The following ELFN1 variants were observed in gnomAD, a reference collection of about 807,000 sequenced individuals.
ELFN1 encodes the protein extracellular leucine rich repeat and fibronectin type III domain containing 1.
In ELFN1, 6 loss-of-function variants were observed where a neutral mutation model predicts 7.6. That is an observed-to-expected ratio of 0.79 (90% CI 0.43 to 1.56). The LOEUF (loss-of-function observed/expected upper bound fraction) is 1.56. Ranked by LOEUF, ELFN1 falls within the 40% of genes most tolerant of loss-of-function variation. The probability of loss-of-function intolerance (pLI) is 0.01; values close to 1 mark genes in which losing one functional copy is unlikely to be tolerated. For missense variants in ELFN1, 1,169 were observed against 1,232.2 expected (o/e 0.95, Z 0.77); for synonymous variants, 657 against 588.1 (o/e 1.12, Z -1.70).
intron 3 of ELFN1, among the ~76,000 whole-genome samples, chr7:1,726,966 G>A (rs1780215155): frequency 6.6e-6 from 1 of 152,178 alleles, no homozygotes; most frequent in Non-Finnish European, 1.5e-5. Context: ...TTGAAGCCCA[G>A]GGTGGGTGGG....
intron 1 of ELFN1, among the ~76,000 whole-genome samples, chr7:1,675,319 C>T (rs1229909281): frequency 6.6e-6 from 1 of 152,198 alleles, no homozygotes; most frequent in Admixed American, 6.5e-5. Flanking sequence ...AGGTGGCGGC[C>T]GAGGGCTCGG....
intron 3 of ELFN1, among the ~76,000 whole-genome samples, chr7:1,720,803 A>G (rs370413398): frequency 1.3e-4 from 20 of 148,672 alleles, no homozygotes; most frequent in African/African-American, 3.5e-4. Context: ...TATGTAACAT[A>G]GAACATCACT....
At chr7:1,696,740 GC>G (rs1779322196) in intron 2 of ELFN1, among the ~76,000 whole-genome samples, 1 of 152,012 alleles carries the variant, frequency 6.6e-6, no homozygotes, top group Non-Finnish European at 1.5e-5. Flanking sequence ...CCCATCGTGG[GC>G]CCCACCCTCA....
chr7:1,706,713 A>G (rs12699171), intron 2 of ELFN1, among the ~76,000 whole-genome samples: 7,864 of 152,248 alleles, frequency 0.052, 230 homozygotes, highest in Middle Eastern at 0.088. Context: ...TCACCCCTAT[A>G]AAGTGCACAG....
intron 2 of ELFN1, among the ~76,000 whole-genome samples, chr7:1,706,757 T>C (rs1335909135): frequency 1.3e-5 from 2 of 152,218 alleles, no homozygotes; most frequent in African/African-American, 4.8e-5. Flanking sequence ...CCTGGCTGGC[T>C]TCTACAGGGT....
intron 3 of ELFN1, among the ~76,000 whole-genome samples, chr7:1,729,870 C>T (rs1038425549): frequency 3.3e-5 from 5 of 152,258 alleles, no homozygotes; most frequent in African/African-American, 1.2e-4. Context: ...GTGCCCTCCC[C>T]TCTCAAATGC....
chr7:1,732,438 G>A (rs1040638919), intron 3 of ELFN1, among the ~76,000 whole-genome samples: 1 of 152,138 alleles, frequency 6.6e-6, no homozygotes, highest in African/African-American at 2.4e-5. Flanking sequence ...TAGGAGGAGA[G>A]GCAGGAGATG....
intron 3 of ELFN1, among the ~76,000 whole-genome samples, chr7:1,743,040 G>A (rs1166911530): frequency 6.6e-6 from 1 of 152,162 alleles, no homozygotes; most frequent in African/African-American, 2.4e-5. Context: ...ACAGGCGGCC[G>A]GGAGGTGAGG....
intron 2 of ELFN1, among the ~76,000 whole-genome samples, chr7:1,691,594 T>C (rs1336427583): frequency 6.6e-6 from 1 of 152,162 alleles, no homozygotes; most frequent in Non-Finnish European, 1.5e-5. Flanking sequence ...GCTTCAGGGA[T>C]CCAGGCCCGA....
intron 3 of ELFN1, among the ~76,000 whole-genome samples, chr7:1,730,219 A>C (rs1194550363): frequency 2.0e-5 from 3 of 152,248 alleles, no homozygotes; most frequent in African/African-American, 7.2e-5. Flanking sequence ...TTCACTTTAC[A>C]AAGCAGTGTG....
At chr7:1,731,077 A>G (rs1295218876) in intron 3 of ELFN1, among the ~76,000 whole-genome samples, 1 of 152,220 alleles carries the variant, frequency 6.6e-6, no homozygotes, top group Non-Finnish European at 1.5e-5. Context: ...CAATAAAACA[A>G]CAAAACCCTC....
intron 3 of ELFN1, among the ~76,000 whole-genome samples, chr7:1,741,966 G>C (rs976850852): frequency 3.3e-5 from 5 of 151,846 alleles, no homozygotes; most frequent in Non-Finnish European, 7.4e-5. Context: ...ACACACATCT[G>C]TACACACACA....
chr7:1,669,027 C>T (rs1365047612), upstream of ELFN1, among the ~76,000 whole-genome samples: 1 of 152,176 alleles, frequency 6.6e-6, no homozygotes, highest in Non-Finnish European at 1.5e-5. Flanking sequence ...TAAATTCGGG[C>T]CAGTGCTGGG....
chr7:1,671,320 G>A (rs1778762468), intron 1 of ELFN1, among the ~76,000 whole-genome samples: 1 of 152,166 alleles, frequency 6.6e-6, no homozygotes, highest in Non-Finnish European at 1.5e-5. Context: ...TGAAAAAAAC[G>A]AAGGCTTAGC....
chr7:1,667,623 C>T (rs1778690269), upstream of ELFN1, among the ~76,000 whole-genome samples: 1 of 152,296 alleles, frequency 6.6e-6, no homozygotes, highest in South Asian at 2.1e-4. This position sits in a 1 kb window ranked among gnomAD's most constrained non-coding sequence, Gnocchi z 8.2. Flanking sequence ...GTCCTTCTTC[C>T]TGCCTCGGTG....
chr7:1,738,232 C>T (rs1469312817), intron 3 of ELFN1, among the ~76,000 whole-genome samples: 1 of 152,174 alleles, frequency 6.6e-6, no homozygotes, highest in African/African-American at 2.4e-5. Context: ...CTGCCCAGGG[C>T]CGGGCACGTG....
intron 3 of ELFN1, among the ~76,000 whole-genome samples, chr7:1,741,129 CAAAAAAAAAA>C (rs34300810): frequency 8.6e-6 from 1 of 116,878 alleles, no homozygotes; most frequent in African/African-American, 3.3e-5. Context: ...GACTCTGTCT[CAAAAAAAAAA>C]AAAAAAAAAG....
chr7:1,712,383 G>A (rs939024011), intron 3 of ELFN1, among the ~76,000 whole-genome samples: 1 of 151,194 alleles, frequency 6.6e-6, no homozygotes, highest in Non-Finnish European at 1.5e-5. Flanking sequence ...GCCTCCCAAA[G>A]TGCTGGGATT....
At chr7:1,698,074 C>A (rs1779355750) in intron 2 of ELFN1, among the ~76,000 whole-genome samples, 1 of 152,200 alleles carries the variant, frequency 6.6e-6, no homozygotes, top group African/African-American at 2.4e-5. Context: ...GTGCCTGACA[C>A]AACAGTTACC....
Sources: gnomAD v4.1 joint callset for allele counts (sites outside exome capture counted in the v4.1 genomes callset) on GRCh38, gnomAD v4.1.1 for gene constraint, Gnocchi (gnomAD v3.1) non-coding constraint, MANE v1.5 for transcripts, NCBI Gene and HGNC (gene_info 2026-07-23, HGNC 2026-07-21) for gene names.